FANCA: variants seen among roughly 807,000 people sequenced by gnomAD.
FANCA encodes the protein Fanconi anemia group A protein.
A neutral mutation model predicts 194.3 loss-of-function variants in FANCA; 236 were observed. That is an observed-to-expected ratio of 1.21 (90% CI 1.09 to 1.35). The LOEUF is 1.35. Ranked by LOEUF, FANCA falls within the 40% of genes most tolerant of loss-of-function variation. The probability of loss-of-function intolerance (pLI) is 0.00; values close to 1 mark genes in which losing one functional copy is unlikely to be tolerated. For missense variants in FANCA, 2,628 were observed against 1,813.9 expected (o/e 1.45, Z -8.15); for synonymous variants, 1,014 against 715.8 (o/e 1.42, Z -6.65).
At chr16:89,798,459 A>G (rs1598163182) in intron 10 of FANCA, 10 of 1,092,960 alleles carry the variant, frequency 9.1e-6, no homozygotes, top group Non-Finnish European at 1.0e-5. Context: ...ATGGGAAATG[A>G]GGAGCAAAAT....
intron 11 of FANCA, among the ~76,000 whole-genome samples, chr16:89,793,923 G>C (rs1043410907): frequency 1.3e-5 from 2 of 151,854 alleles, no homozygotes; most frequent in African/African-American, 4.8e-5. Flanking sequence ...GCTAATTTTT[G>C]TATTTTTTAG....
rs764340629 is a variant in FANCA at position 89,746,702 on chromosome 16, C to T, written c.3409-14G>A. 1.4e-5 allele frequency: 23 copies of T among 1,612,620 alleles called. 1 individual carries two copies. The highest frequency in any genetic ancestry group is 6.7e-5 in the Admixed American group (4 of 59,966). ...GTTCAGGAGGCCCTGCAGGAGAGAACGCAGCAGGAGGTCAGCGGTTTGTGA... is the reference window on the plus strand; with the variant it reads ...GTTCAGGAGGCCCTGCAGGAGAGAATGCAGCAGGAGGTCAGCGGTTTGTGA... On this transcript the variant is annotated splice_polypyrimidine_tract_variant and intron_variant, in intron 34 of 42. Transcript: ENST00000389301.
At chr16:89,739,444 G>A (rs1018933292) in intron 40 of FANCA, 34 bp downstream of exon 40, 32 of 1,552,232 alleles carry the variant, frequency 2.1e-5, no homozygotes, top group African/African-American at 4.1e-5. Flanking sequence ...GGGAAACACT[G>A]CCCAGCCCTG....
chr16:89,810,665 G>A (rs1567653371), intron 5 of FANCA, 42 bp downstream of exon 5: 1 of 1,277,942 alleles, frequency 7.8e-7, no homozygotes, highest in South Asian at 1.2e-5. Flanking sequence ...ACAGAACATT[G>A]CCTGGAACAC....
chr16:89,805,876 G>A (rs1480171812), intron 6 of FANCA, among the ~76,000 whole-genome samples: 1 of 151,686 alleles, frequency 6.6e-6, no homozygotes, highest in African/African-American at 2.4e-5. Context: ...AATGATTTCA[G>A]CCCTTCTAAA....
At chr16:89,740,747 T>C (rs1598057529) in intron 38 of FANCA, 57 bp downstream of exon 38, 1 of 1,483,090 alleles carries the variant, frequency 6.7e-7, no homozygotes, top group Non-Finnish European at 9.4e-7. Context: ...GGCTGCCTGG[T>C]GCCCCTGCCT....
Position 89,782,904 on chromosome 16 carries a change from G to C in FANCA, c.1581C>G (p.Asn527Lys). 1 of 1,614,110 alleles carries C rather than the reference G, an allele frequency of 6.2e-7. No homozygotes were observed. Among genetic ancestry groups the C allele is most frequent in the Non-Finnish European group, 8.5e-7 (1 of 1,179,950 alleles). ...RLADLKVSIE[N>K]MGLYEDLSSA... is the part of the protein sequence containing the mutation. The stretch of plus-strand genomic sequence containing the variant: ...ATGACAAATCCTCGTAGAGTCCCAT[G>C]TTTTCTATAGAAACCTTCAGGGAAG... Residue 527 changes from asparagine (N) to lysine (K), a missense_variant, in exon 17 of 43, where the codon AAC becomes AAG. Transcript: ENST00000389301.
Position 89,754,843 on chromosome 16 carries a change from C to T in FANCA, c.2982-2621G>A, listed in dbSNP as rs569866317. Among the ~76,000 whole-genome samples the T allele has an allele frequency of 2.0e-5, 3 of 152,338 alleles. No individual in the cohort carries two copies. The East Asian group carries it at 5.8e-4, about 29-fold the overall frequency. Reference sequence around the variant, plus strand: ...TCACTGAGATGGCAATACTGCCCCACATGCAGTCCGTATCAGGGTCCCAGC... The same window carrying T: ...TCACTGAGATGGCAATACTGCCCCATATGCAGTCCGTATCAGGGTCCCAGC... On this transcript the variant is annotated intron_variant, in intron 30 of 42. Transcript: ENST00000389301.
intron 22 of FANCA, among the ~76,000 whole-genome samples, chr16:89,772,463 G>A (rs564708060): frequency 9.9e-5 from 15 of 152,264 alleles, no homozygotes; most frequent in South Asian, 2.1e-4. Flanking sequence ...CTGAGATCAC[G>A]CCACTGCACT....
Position 89,791,846 on chromosome 16 carries a change from A to AC in FANCA, c.1225+80dup, listed in dbSNP as rs56234329. ...AGGGAAGGGCTTCACTGAGAGGCTC[A>AC]CCCACAGTCAGCTGGGACTCTGCTG... is the stretch of plus-strand genomic sequence containing the variant. On this transcript the variant is annotated intron_variant, in intron 13 of 42. Transcript: ENST00000389301. 1.2e-4 allele frequency: 182 copies of AC among 1,562,048 alleles called. No homozygotes were observed. In the African/African-American group the frequency reaches 2.1e-3, roughly 18 times the overall value.
intron 33 of FANCA, among the ~76,000 whole-genome samples, chr16:89,747,488 C>T (rs957595722): frequency 6.6e-6 from 1 of 152,150 alleles, no homozygotes; most frequent in African/African-American, 2.4e-5. Flanking sequence ...ATCACGAGGT[C>T]AGGAGTTCAA....
chr16:89,785,235 T>C (rs1567630907), intron 14 of FANCA, among the ~76,000 whole-genome samples: 1 of 152,216 alleles, frequency 6.6e-6, no homozygotes, highest in Non-Finnish European at 1.5e-5. Flanking sequence ...GACTGCGCTT[T>C]GACTGAAGAG....
chr16:89,778,352 G>C (rs2039583782), intron 20 of FANCA: 1 of 367,824 alleles, frequency 2.7e-6, no homozygotes, highest in Non-Finnish European at 5.2e-6. Context: ...TATAATCCCA[G>C]CTACTCAGGA....
chr16:89,767,460 C>A (rs767802715), intron 26 of FANCA, among the ~76,000 whole-genome samples: 2 of 152,004 alleles, frequency 1.3e-5, no homozygotes, highest in Non-Finnish European at 2.9e-5. Flanking sequence ...CTCTGCCTCC[C>A]GGGTTCAAGC....
chr16:89,740,528 C>T (rs1040814415), intron 38 of FANCA: 8 of 502,584 alleles, frequency 1.6e-5, no homozygotes, highest in East Asian at 3.6e-5. Flanking sequence ...CCCAGCTACT[C>T]GGGAGGCTGA....
chr16:89,770,481 G>C, intron 24 of FANCA, 83 bp downstream of exon 24: 1 of 1,318,610 alleles, frequency 7.6e-7, no homozygotes, highest in Non-Finnish European at 1.1e-6. Flanking sequence ...ACGAGCTCAT[G>C]AGTCCCTGGT....
chr16:89,740,879 A>G lies in FANCA; in HGVS notation c.3766-13T>C, dbSNP rs2151716908. On this transcript the variant is annotated splice_polypyrimidine_tract_variant and intron_variant, in intron 37 of 42. Coordinates refer to ENST00000389301, the MANE Select transcript of FANCA (RefSeq NM_000135.4). ...GGAAAACCAATAGCTGTAAATAAAA[A>G]CGTGCACTTATTATTACATTAAAAT... 6.2e-7 allele frequency: 1 copy of G among 1,607,248 alleles called. No individual in the cohort carries two copies. The highest frequency in any genetic ancestry group is 8.5e-7 in the Non-Finnish European group (1 of 1,175,556).
rs554863940 is a variant in FANCA at position 89,776,764 on chromosome 16, G to C, written c.1827-949C>G. Among the ~76,000 whole-genome samples, 18 of 152,094 alleles carry C rather than the reference G, an allele frequency of 1.2e-4. 1 individual carries two copies. The South Asian group carries it at 3.7e-3, about 32-fold the overall frequency. On this transcript the variant is annotated intron_variant, in intron 20 of 42. Transcript: ENST00000389301. ...GAGAATGGCATGAACCCAGAAGGTG[G>C]AGCTTGCAGTGAGCCGAGATTGCGC...
chr16:89,807,979 A>G (rs1371604169), intron 6 of FANCA, among the ~76,000 whole-genome samples: 2 of 151,634 alleles, frequency 1.3e-5, no homozygotes, highest in East Asian at 3.9e-4. Flanking sequence ...AATTGCTTGA[A>G]CCCTGGAGGT....
Sources: gnomAD v4.1 joint callset for allele counts (sites outside exome capture counted in the v4.1 genomes callset) on GRCh38, gnomAD v4.1.1 for gene constraint, MANE v1.5 for transcripts, NCBI Gene and HGNC (gene_info 2026-07-23, HGNC 2026-07-21) for gene names.